The following BFSP1 variants were observed in gnomAD, a reference collection of about 807,000 sequenced individuals.
The protein encoded by BFSP1 is beaded filament structural protein 1.
Under a neutral mutation model 43.9 loss-of-function variants are expected in BFSP1, and 38 were observed. The ratio of observed to expected loss-of-function variants is 0.87; its 90% CI spans 0.67 to 1.14. The LOEUF (loss-of-function observed/expected upper bound fraction) is 1.14. Among genes scored for constraint, BFSP1 ranks in the 50% most tolerant of loss-of-function variants. The pLI is 0.00. For synonymous variants in BFSP1, 352 were observed against 354.8 expected (o/e 0.99, Z 0.09); for missense variants, 850 against 875.1 (o/e 0.97, Z 0.36).
chr20:17,559,067 T>A (rs1200483980), upstream of BFSP1: 1 of 203,580 alleles, frequency 4.9e-6, no homozygotes, highest in East Asian at 1.1e-4. Context: ...GCAGGACCAA[T>A]TGCAAGATGT....
chr20:17,537,036 A>G (rs1271753937), intron 1 of BFSP1, among the ~76,000 whole-genome samples: 1 of 152,214 alleles, frequency 6.6e-6, no homozygotes, highest in Non-Finnish European at 1.5e-5. Context: ...TGGAAGCCCT[A>G]GCAAACGAAT....
intron 5 of BFSP1, 36 bp from the exon 6 acceptor site, chr20:17,499,076 C>A (rs1371483242): frequency 6.3e-7 from 1 of 1,591,260 alleles, no homozygotes. Flanking sequence ...AAATCCATCC[C>A]CCTTCTTCTC....
Position 17,549,004 on chromosome 20 carries a change from T to A in BFSP1, c.2+9684A>T, listed in dbSNP as rs147994183. On this transcript the variant is annotated intron_variant, in intron 1 of 7. Transcript: ENST00000377868. Reference sequence around the variant, plus strand: ...TAAATTATTTTTTGTAGAGATAGAGTCTCACTATGTTGCCCAGGCTGGTCT... The same window carrying A: ...TAAATTATTTTTTGTAGAGATAGAGACTCACTATGTTGCCCAGGCTGGTCT... Among the ~76,000 whole-genome samples the A allele has an allele frequency of 1.1e-3, 171 of 152,164 alleles. 1 individual carries two copies. Among genetic ancestry groups the A allele is most frequent in the African/African-American group, 3.9e-3 (162 of 41,512 alleles).
intron 4 of BFSP1, among the ~76,000 whole-genome samples, chr20:17,511,194 C>A (rs1236169989): frequency 6.6e-6 from 1 of 152,158 alleles, no homozygotes; most frequent in Non-Finnish European, 1.5e-5. Flanking sequence ...TCCCGTTGAG[C>A]AGCTAGAGAG....
At chr20:17,504,943 TAAA>T (rs35319868) in intron 5 of BFSP1, among the ~76,000 whole-genome samples, 10 of 139,432 alleles carry the variant, frequency 7.2e-5, no homozygotes, top group African/African-American at 1.8e-4. Flanking sequence ...TGTTTTGTCT[TAAA>T]AAAAAAAAAA....
rs144843910 is a variant in BFSP1, at chr20:17,502,109, G to A, written c.736-3069C>T. Among the ~76,000 whole-genome samples the A allele has an allele frequency of 1.1e-3, 167 of 152,004 alleles. 1 individual carries two copies. The highest frequency in any genetic ancestry group is 3.1e-3 in the African/African-American group (129 of 41,470). On this transcript the variant is annotated intron_variant, in intron 5 of 7. Transcript: ENST00000377873. ...CGGCTGCCTCAGCTCCCAGTTCCTG[G>A]TTCCTGATTCCTGATGCACACCTGC...
At position 17,498,971 on chromosome 20, in the gene BFSP1, C is replaced by T. The variant is rs572020443; in HGVS notation, c.805G>A (p.Glu269Lys). The change falls in exon 6 of 8, where the codon GAG becomes AAG. Residue 269 changes from glutamate (E) to lysine (K), a missense_variant. Glu to Lys is a moderately conservative substitution (Grantham distance 56). Coordinates refer to ENST00000377873, the MANE Select transcript of BFSP1 (RefSeq NM_001195.5). ...CYDDEIQLYN[E>K]QIETLRKEIE... is the part of the protein sequence containing the mutation. The stretch of plus-strand genomic sequence containing the variant: ...TCCTTGCGCAGTGTCTCAATCTGCT[C>T]GTTATAAAGCTGAATCTCATCGTCA... 63 of 1,614,140 alleles carry T rather than the reference C, an allele frequency of 3.9e-5. No individual in the cohort carries two copies. In the East Asian group the frequency reaches 1.1e-3, roughly 29 times the overall value.
At chr20:17,534,668 CAA>C (rs2034598625), upstream of BFSP1, among the ~76,000 whole-genome samples, 1 of 152,068 alleles carries the variant, frequency 6.6e-6, no homozygotes, top group African/African-American at 2.4e-5. Context: ...TCATAAAAGA[CAA>C]AGAGAAGCTA....
chr20:17,549,278 A>T (rs2034857129), intron 1 of BFSP1, among the ~76,000 whole-genome samples: 1 of 152,218 alleles, frequency 6.6e-6, no homozygotes, highest in Admixed American at 6.5e-5. Context: ...CACTGCTATA[A>T]AGAAATACCA....
intron 1 of BFSP1, among the ~76,000 whole-genome samples, chr20:17,549,946 G>A (rs1439831563): frequency 6.6e-6 from 1 of 152,182 alleles, no homozygotes; most frequent in Non-Finnish European, 1.5e-5. Context: ...ATTACAATTA[G>A]ACATGAAATT....
chr20:17,532,077 T>C (rs1474704291), upstream of BFSP1, among the ~76,000 whole-genome samples: 2 of 152,176 alleles, frequency 1.3e-5, no homozygotes, highest in African/African-American at 4.8e-5. Context: ...CATGCTCTGA[T>C]GGAGTTTGAC....
rs980041727 is a variant in BFSP1 at position 17,540,860 on chromosome 20, G to A, written c.3-15952C>T. 9.8e-5 allele frequency among the ~76,000 whole-genome samples: 15 copies of A among 152,302 alleles called. No individual in the cohort carries two copies. The East Asian group carries it at 2.7e-3, about 27-fold the overall frequency. On this transcript the variant is annotated intron_variant, in intron 1 of 7. Coordinates refer to the BFSP1 transcript ENST00000377868. The stretch of plus-strand genomic sequence containing the variant: ...TCCTCCTGCTCCTTTAAAGCCTACA[G>A]GTAGTAATAGTTTCCCACTGTTGCT...
At chr20:17,537,615 G>T (rs73898308) in intron 1 of BFSP1, among the ~76,000 whole-genome samples, 1,684 of 150,358 alleles carry the variant, frequency 0.011, 35 homozygotes, top group African/African-American at 0.039. Context: ...GCAAGTGTGT[G>T]CCTGGTGCTT....
At chr20:17,497,605 T>TATACAC (rs1568679813) in intron 6 of BFSP1, among the ~76,000 whole-genome samples, 2 of 121,876 alleles carry the variant, frequency 1.6e-5, no homozygotes, top group Admixed American at 1.8e-4. Flanking sequence ...TGTATATATA[T>TATACAC]ACGTATATAT....
intron 1 of BFSP1, among the ~76,000 whole-genome samples, chr20:17,553,828 T>TATACAC (rs1568717981): frequency 9.6e-6 from 1 of 104,018 alleles, no homozygotes; most frequent in Admixed American, 9.8e-5. Context: ...CACACACATA[T>TATACAC]ATATATATAC....
rs186009450 is a variant in BFSP1, at chr20:17,556,972, G to A, written c.2+1716C>T. Among the ~76,000 whole-genome samples the A allele has an allele frequency of 3.7e-3, 567 of 152,088 alleles. 8 individuals are homozygous for A. Among genetic ancestry groups the A allele is most frequent in the Non-Finnish European group, 2.0e-3 (138 of 68,000 alleles). On this transcript the variant is annotated intron_variant, in intron 1 of 7. Transcript: ENST00000377868. ...ACAGCAGAATGATCCAGGCCCATCC[G>A]TGTCCTGGCTCAGGGCCCAGGCTCT... is the stretch of plus-strand genomic sequence containing the variant.
At chr20:17,530,830 T>A (rs1600667118) in intron 1 of BFSP1, 123 bp downstream of exon 1, 5 of 1,112,682 alleles carry the variant, frequency 4.5e-6, no homozygotes, top group Non-Finnish European at 5.8e-6. Flanking sequence ...AGGGATGAGG[T>A]CATCGATCGA....
chr20:17,564,442 G>A (rs1257867079), intron 1 of BFSP1, among the ~76,000 whole-genome samples: 1 of 151,664 alleles, frequency 6.6e-6, no homozygotes, highest in African/African-American at 2.4e-5. Context: ...GTTTGGCACT[G>A]TACTTCTATG....
chr20:17,496,678 T>A (rs1292573539), intron 7 of BFSP1, among the ~76,000 whole-genome samples: 1 of 152,124 alleles, frequency 6.6e-6, no homozygotes, highest in Non-Finnish European at 1.5e-5. Context: ...AATATAAAAA[T>A]ACAAAATAAA....
Sources: gnomAD v4.1 joint callset for allele counts (sites outside exome capture counted in the v4.1 genomes callset) on GRCh38, gnomAD v4.1.1 for gene constraint, MANE v1.5 for transcripts, NCBI Gene and HGNC (gene_info 2026-07-23, HGNC 2026-07-21) for gene names.